GSE1: variants seen among roughly 807,000 people sequenced by gnomAD.
GSE1 encodes genetic suppressor element 1.
Under a neutral mutation model 112.6 loss-of-function variants are expected in GSE1, and 32 were observed. That is an observed-to-expected ratio of 0.28 (90% CI 0.21 to 0.38). The LOEUF (loss-of-function observed/expected upper bound fraction) is 0.38. GSE1 is among the 10% of genes least tolerant of loss of function. The pLI, the probability that GSE1 is intolerant of heterozygous loss-of-function variation, is 1.00. For synonymous variants in GSE1, 1,115 were observed against 735.6 expected, an observed-to-expected ratio of 1.52 and a Z score of -8.35; for missense variants, 2,348 against 1,699.2, an observed-to-expected ratio of 1.38 and a Z score of -6.71.
intron 2 of GSE1, among the ~76,000 whole-genome samples, chr16:85,503,337 G>A (rs748044100): frequency 1.8e-4 from 27 of 152,204 alleles, no homozygotes; most frequent in Non-Finnish European, 3.4e-4. Flanking sequence ...GTGGGCAGGT[G>A]CAGTCCTTCC....
chr16:85,246,032 T>C (rs1260969876), intron 1 of GSE1, among the ~76,000 whole-genome samples: 1 of 151,552 alleles, frequency 6.6e-6, no homozygotes, highest in East Asian at 1.9e-4. Flanking sequence ...TGTTGGGGGT[T>C]GTCTGCATGT....
At chr16:85,269,114 C>G (rs181362555) in intron 1 of GSE1, among the ~76,000 whole-genome samples, 1 of 149,404 alleles carries the variant, frequency 6.7e-6, no homozygotes, top group Non-Finnish European at 1.5e-5. Context: ...CATTCAGAAA[C>G]TTGCCCGAGG....
chr16:85,187,961 A>G (rs937013368), intron 1 of GSE1, among the ~76,000 whole-genome samples: 2 of 152,172 alleles, frequency 1.3e-5, no homozygotes, highest in African/African-American at 4.8e-5. Flanking sequence ...CCCCACCTGG[A>G]CCACCCTGGC....
At chr16:85,314,432 G>C (rs922705061) in intron 1 of GSE1, among the ~76,000 whole-genome samples, 6 of 152,204 alleles carry the variant, frequency 3.9e-5, no homozygotes, top group Non-Finnish European at 7.3e-5. Context: ...GGGGCTGTGG[G>C]ACAGATGAAG....
chr16:85,313,053 A>G (rs748322), intron 1 of GSE1, among the ~76,000 whole-genome samples: 121,264 of 152,116 alleles, frequency 0.8, 48,765 homozygotes, highest in African/African-American at 0.91. Context: ...GATACTCGCC[A>G]AGGCCCCAGC....
At chr16:85,355,022 G>A (rs557008952) in intron 1 of GSE1, among the ~76,000 whole-genome samples, 3 of 152,316 alleles carry the variant, frequency 2.0e-5, no homozygotes, top group South Asian at 2.1e-4. Flanking sequence ...AGCCTAAGCC[G>A]CCGGCATGCC....
chr16:85,409,316 ATAAT>A (rs1481963901), intron 2 of GSE1, among the ~76,000 whole-genome samples: 1 of 45,152 alleles, frequency 2.2e-5, no homozygotes, highest in African/African-American at 1.2e-4. Context: ...GGCCCCCCGG[ATAAT>A]CCTCACTGTT....
At chr16:85,464,118 G>C (rs780144951) in intron 2 of GSE1, among the ~76,000 whole-genome samples, 2 of 151,980 alleles carry the variant, frequency 1.3e-5, no homozygotes, top group African/African-American at 2.4e-5. Context: ...TGGCTGCCTC[G>C]CCTGCCCGCC....
At chr16:85,645,568 G>A (rs1287866161) in intron 2 of GSE1, among the ~76,000 whole-genome samples, 1 of 149,836 alleles carries the variant, frequency 6.7e-6, no homozygotes, top group East Asian at 1.9e-4. Flanking sequence ...GGATGCCTGT[G>A]GGGCCTCTGC....
At chr16:85,383,992 C>G (rs1017860081) in intron 2 of GSE1, among the ~76,000 whole-genome samples, 1 of 152,132 alleles carries the variant, frequency 6.6e-6, no homozygotes, top group Non-Finnish European at 1.5e-5. Context: ...GCTTCAAAGC[C>G]TCTTGGGCTT....
At chr16:85,492,770 C>T (rs116049264) in intron 2 of GSE1, among the ~76,000 whole-genome samples, 1,580 of 151,782 alleles carry the variant, frequency 0.01, 24 homozygotes, top group African/African-American at 0.036. Flanking sequence ...CATGACCTCA[C>T]GGTGCCTTTC....
At chr16:85,585,825 A>AG (rs1252351719) in intron 1 of GSE1, among the ~76,000 whole-genome samples, 5 of 152,254 alleles carry the variant, frequency 3.3e-5, no homozygotes, top group Admixed American at 1.3e-4. Context: ...CTTTGGCTGC[A>AG]GGGTGCGACT....
At chr16:85,320,108 A>G (rs2046071499) in intron 1 of GSE1, among the ~76,000 whole-genome samples, 1 of 152,200 alleles carries the variant, frequency 6.6e-6, no homozygotes. Context: ...AAATGAGGCA[A>G]CAAGGAGAAG....
At chr16:85,297,867 T>C (rs1035259091) in intron 1 of GSE1, among the ~76,000 whole-genome samples, 3 of 152,192 alleles carry the variant, frequency 2.0e-5, no homozygotes, top group African/African-American at 7.2e-5. Flanking sequence ...ATATGAAATC[T>C]CCATCGTGGC....
intron 1 of GSE1, among the ~76,000 whole-genome samples, chr16:85,237,633 T>C (rs1006853802): frequency 9.2e-5 from 14 of 151,832 alleles, no homozygotes; most frequent in Non-Finnish European, 1.8e-4. Context: ...GGTCAGGAGA[T>C]TGAGACCATC....
intron 1 of GSE1, among the ~76,000 whole-genome samples, chr16:85,208,935 G>A (rs1262995567): frequency 2.7e-5 from 4 of 149,720 alleles, no homozygotes; most frequent in African/African-American, 7.4e-5. Context: ...GTTCGCCTGT[G>A]TTGGGGTTCG....
intron 1 of GSE1, among the ~76,000 whole-genome samples, chr16:85,619,494 C>A (rs1264021717): frequency 6.6e-6 from 1 of 152,172 alleles, no homozygotes; most frequent in African/African-American, 2.4e-5. Context: ...GGTTGGGGGG[C>A]AAAGCCCGGG....
chr16:85,649,928 C>G (rs1451062740), intron 3 of GSE1, among the ~76,000 whole-genome samples: 3 of 152,150 alleles, frequency 2.0e-5, no homozygotes, highest in African/African-American at 7.2e-5. Context: ...CAGGTGACAG[C>G]CCCCGGGCAG....
intron 1 of GSE1, among the ~76,000 whole-genome samples, chr16:85,562,746 TTCCCTCTCA>T (rs1237079618): frequency 6.6e-6 from 1 of 152,094 alleles, no homozygotes; most frequent in African/African-American, 2.4e-5. Flanking sequence ...CCCAGGGGGG[TTCCCTCTCA>T]CCAATGTCAA....
Sources: allele counts gnomAD v4.1 joint callset (sites outside exome capture counted in the v4.1 genomes callset), GRCh38; gene constraint gnomAD v4.1.1; transcripts MANE v1.5; gene names NCBI Gene and HGNC (gene_info 2026-07-23, HGNC 2026-07-21).